Variants in CACNA1D observed in about 807,000 individuals in gnomAD.
CACNA1D encodes voltage-dependent L-type calcium channel subunit alpha-1D.
A neutral mutation model predicts 257.1 loss-of-function variants in CACNA1D; 55 were observed. The observed-to-expected ratio is 0.21, with a 90% CI of 0.17 to 0.27. CACNA1D has a LOEUF of 0.27. CACNA1D is among the 10% of genes least tolerant of loss of function. The probability of loss-of-function intolerance (pLI) is 1.00; values close to 1 mark genes in which losing one functional copy is unlikely to be tolerated. For missense variants in CACNA1D, 1,876 were observed against 2,784.0 expected, an observed-to-expected ratio of 0.67 and a Z score of 7.34; for synonymous variants, 980 against 1,014.9, an observed-to-expected ratio of 0.97 and a Z score of 0.65.
At chr3:53,622,580 A>G (rs1310723008) in intron 3 of CACNA1D, among the ~76,000 whole-genome samples, 1 of 152,058 alleles carries the variant, frequency 6.6e-6, no homozygotes, top group African/African-American at 2.4e-5. Flanking sequence ...ATGAGAACAC[A>G]TGGACACAGA....
At chr3:53,656,649 G>T (rs1022169747) in intron 4 of CACNA1D, among the ~76,000 whole-genome samples, 4 of 152,136 alleles carry the variant, frequency 2.6e-5, no homozygotes, top group Non-Finnish European at 5.9e-5. Context: ...GGCACAGATT[G>T]TGAAAAATAT....
At chr3:53,706,025 T>G (rs1026596102) in intron 9 of CACNA1D, among the ~76,000 whole-genome samples, 3 of 152,228 alleles carry the variant, frequency 2.0e-5, no homozygotes, top group Non-Finnish European at 2.9e-5. Context: ...GTTGCCAGTG[T>G]TACGGTGTCT....
intron 3 of CACNA1D, among the ~76,000 whole-genome samples, chr3:53,604,701 A>C (rs746515473): frequency 6.6e-6 from 1 of 152,212 alleles, no homozygotes; most frequent in Non-Finnish European, 1.5e-5. Flanking sequence ...AAAGTGCTGT[A>C]CATACTTACA....
intron 3 of CACNA1D, among the ~76,000 whole-genome samples, chr3:53,565,099 T>G (rs934607494): frequency 2.0e-5 from 3 of 152,334 alleles, no homozygotes; most frequent in African/African-American, 4.8e-5. Context: ...CTATAATACA[T>G]GCCTTATAAC....
intron 3 of CACNA1D, among the ~76,000 whole-genome samples, chr3:53,514,366 G>A (rs527362790): frequency 1.3e-5 from 2 of 151,892 alleles, no homozygotes; most frequent in South Asian, 2.1e-4. Flanking sequence ...GGGAGCTGAC[G>A]GCAGAACCTT....
intron 3 of CACNA1D, among the ~76,000 whole-genome samples, chr3:53,518,254 A>G (rs2091420761): frequency 6.6e-6 from 1 of 152,194 alleles, no homozygotes. Flanking sequence ...GTTTGATCTT[A>G]TGCTGTTTTC....
intron 3 of CACNA1D, among the ~76,000 whole-genome samples, chr3:53,506,051 G>A (rs2090832114): frequency 6.6e-6 from 1 of 152,166 alleles, no homozygotes; most frequent in South Asian, 2.1e-4. Flanking sequence ...CATAATACCT[G>A]AAACACAATT....
intron 4 of CACNA1D, among the ~76,000 whole-genome samples, chr3:53,659,478 T>C (rs2094182130): frequency 6.6e-6 from 1 of 152,240 alleles, no homozygotes; most frequent in African/African-American, 2.4e-5. Flanking sequence ...CATTCATTGA[T>C]TGATTCATCA....
Position 53,743,083 on chromosome 3 carries a change from G to C in CACNA1D, c.2884G>C (p.Val962Leu), listed in dbSNP as rs1211161359. Residue 962 changes from valine to leucine, a missense_variant, in exon 22 of 48, where the codon GTG (valine) becomes CTG (leucine). This residue lies in a region of CACNA1D where 271 missense variants were observed against 425.5 expected (regional missense o/e 0.64). Transcript: ENST00000350061. ...RNYFNLLDML[V>L]VGVSLVSFGI... ...CTACTTCAATTTGCTGGATATGCTG[G>C]TGGTTGGGGTGTCTCTGGTGTCATT... is the stretch of plus-strand genomic sequence containing the variant. 6 of 1,613,772 alleles carry C rather than the reference G, an allele frequency of 3.7e-6. No homozygotes were observed. Among genetic ancestry groups the C allele is most frequent in the African/African-American group, 1.3e-5 (1 of 75,054 alleles).
chr3:53,776,459 C>A, intron 35 of CACNA1D, 144 bp from the exon 36 acceptor site: 1 of 971,454 alleles, frequency 1.0e-6, no homozygotes, highest in Non-Finnish European at 1.5e-6. Context: ...TTTTCTTAAA[C>A]ATTCTCCAAA....
intron 3 of CACNA1D, among the ~76,000 whole-genome samples, chr3:53,560,505 T>C (rs1046909004): frequency 6.6e-6 from 1 of 152,208 alleles, no homozygotes; most frequent in Non-Finnish European, 1.5e-5. Context: ...ATAATGCTTA[T>C]GATAAAATAA....
At chr3:53,675,114 A>G (rs2094362092) in intron 8 of CACNA1D, among the ~76,000 whole-genome samples, 1 of 152,170 alleles carries the variant, frequency 6.6e-6, no homozygotes, top group African/African-American at 2.4e-5. Context: ...AGGGACGCAT[A>G]CTGTCACAGG....
intron 29 of CACNA1D, among the ~76,000 whole-genome samples, chr3:53,760,061 CA>C (rs2095291754): frequency 6.6e-6 from 1 of 152,122 alleles, no homozygotes; most frequent in South Asian, 2.1e-4. Context: ...GGGAGGGTAG[CA>C]GTCAGTGAGG....
At position 53,774,729 on chromosome 3, in the gene CACNA1D, C is replaced by T. The variant is rs368344882; in HGVS notation, c.4202+51C>T. The T allele has an allele frequency of 4.7e-5, 49 of 1,053,182 alleles. No homozygotes were observed. The African/African-American group carries it at 5.8e-4, about 12-fold the overall frequency. The allele number at this position is 1,053,182 out of a possible 1,614,324, so 65.2% of individuals were successfully genotyped here. On this transcript the variant is annotated intron_variant, in intron 34 of 47. Transcript: ENST00000350061. The surrounding 1 kb of genome is among the most constrained non-coding windows in gnomAD (Gnocchi z 4.3). ...CTCCTGGGCAGGGGGGTCCGCTAGG[C>T]GTGGGTCCAGAGGGACGGAGGACAC...
intron 30 of CACNA1D, among the ~76,000 whole-genome samples, chr3:53,769,411 C>T (rs2095354056): frequency 1.3e-5 from 2 of 152,220 alleles, no homozygotes. Flanking sequence ...TGCCTCTCTC[C>T]TCCTCGCCCT....
intron 18 of CACNA1D, 95 bp from the exon 19 acceptor site, chr3:53,732,720 A>T: frequency 8.3e-7 from 1 of 1,200,554 alleles, no homozygotes; most frequent in Non-Finnish European, 1.2e-6. Context: ...AGATGTTGTT[A>T]AAGTTTAAGC....
rs1457329674 is a variant in CACNA1D at position 53,735,413 on chromosome 3, C to T, written c.2661C>T (p.Ile887=). Residue 887 remains isoleucine, a synonymous_variant, in exon 20 of 48, where the codon ATC becomes ATT. Coordinates refer to ENST00000350061, the MANE Select transcript of CACNA1D (RefSeq NM_001128840.3). ...VGCHKLINHH[I]FTNLILVFIM... ...GCCACAAGCTCATCAACCACCACATCTTCACCAACCTCATCCTTGTCTTCA... is the reference window on the plus strand; with the variant it reads ...GCCACAAGCTCATCAACCACCACATTTTCACCAACCTCATCCTTGTCTTCA... 21 of 1,613,948 alleles carry T rather than the reference C, an allele frequency of 1.3e-5. No individual in the cohort carries two copies. The highest frequency in any genetic ancestry group is 1.7e-5 in the Non-Finnish European group (20 of 1,179,890).
intron 47 of CACNA1D, among the ~76,000 whole-genome samples, chr3:53,810,785 A>AAAAAAAAAAG (rs2095596182): frequency 7.1e-6 from 1 of 141,040 alleles, no homozygotes; most frequent in African/African-American, 3.0e-5. Context: ...AAAAAAAAAA[A>AAAAAAAAAAG]ACAAAAACTG....
At chr3:53,776,561 C>T (rs1171132374) in intron 35 of CACNA1D, 42 bp from the exon 36 acceptor site, 2 of 1,613,502 alleles carry the variant, frequency 1.2e-6, no homozygotes, top group Non-Finnish European at 1.7e-6. Context: ...TAACGCAATC[C>T]AGCTGCAGCT....
Sources: allele counts gnomAD v4.1 joint callset (sites outside exome capture counted in the v4.1 genomes callset), GRCh38; gene constraint gnomAD v4.1.1; regional missense constraint gnomAD v4.1.1; non-coding constraint Gnocchi (gnomAD v3.1); transcripts MANE v1.5; gene names NCBI Gene and HGNC (gene_info 2026-07-23, HGNC 2026-07-21).